The following BACH1 variants were observed in gnomAD, a reference collection of about 807,000 sequenced individuals.
The protein encoded by BACH1 is transcription regulator protein BACH1.
In BACH1, 35 loss-of-function variants were observed where a neutral mutation model predicts 52.9. The ratio of observed to expected loss-of-function variants is 0.66; its 90% confidence interval spans 0.51 to 0.88. BACH1 has a LOEUF of 0.88. Among genes scored for constraint, BACH1 ranks in the 40% least tolerant of loss-of-function variants. BACH1 has a pLI of 0.00. For synonymous variants in BACH1, 321 were observed against 319.6 expected, an observed-to-expected ratio of 1.00 and a Z score of -0.05; for missense variants, 808 against 872.6, an observed-to-expected ratio of 0.93 and a Z score of 0.93.
intron 4 of BACH1, among the ~76,000 whole-genome samples, chr21:29,331,473 T>G (rs914549528): frequency 6.6e-6 from 1 of 152,248 alleles, no homozygotes. Context: ...CCTTTAGAAC[T>G]ACTCTATTTC....
chr21:29,321,626 C>A, intron 2 of BACH1, 112 bp downstream of exon 2: 1 of 903,054 alleles, frequency 1.1e-6, no homozygotes, highest in Non-Finnish European at 1.6e-6. Context: ...TGGAGCATTT[C>A]CCAGGTTCTG....
intron 2 of BACH1, among the ~76,000 whole-genome samples, chr21:29,323,434 G>A (rs950260191): frequency 1.3e-5 from 2 of 152,196 alleles, no homozygotes; most frequent in African/African-American, 4.8e-5. Flanking sequence ...AGAGTCCAAA[G>A]GCCAAAGAAC....
At chr21:29,320,438 G>T (rs936398569) in intron 1 of BACH1, among the ~76,000 whole-genome samples, 15 of 152,180 alleles carry the variant, frequency 9.9e-5, no homozygotes, top group African/African-American at 3.4e-4. Flanking sequence ...GCAGTAGTGT[G>T]TATGTGATCA....
rs1003462584 is a variant in BACH1, at chr21:29,342,324, ATTAT to A, written c.1777-72_1777-69del. 2.1e-6 allele frequency: 3 copies of A among 1,399,352 alleles called. No individual in the cohort carries two copies. The Admixed American group carries it at 6.3e-5, about 29-fold the overall frequency. 86.7% of individuals were successfully genotyped at this position (1,399,352 alleles called of 1,614,324 possible). A position where few individuals can be genotyped will look rare whatever the true frequency, so the allele number is the denominator to read the frequency against. On this transcript the variant is annotated intron_variant, in intron 4 of 4. Transcript: ENST00000286800. The stretch of plus-strand genomic sequence containing the variant: ...CTTACTTGATGAGAAGCCCCTGTAT[ATTAT>A]TTGATCGCCTTGGAAATGTTGATTG...
intron 2 of BACH1, among the ~76,000 whole-genome samples, chr21:29,324,266 C>G (rs1487505052): frequency 6.6e-6 from 1 of 150,754 alleles, no homozygotes; most frequent in African/African-American, 2.4e-5. Context: ...ACTGAACTTG[C>G]CAACACAAAG....
rs1354463883 is a variant in BACH1 at position 29,299,492 on chromosome 21, C to T, written c.-61+539C>T. ...GTTTGTGGCTGGGGAGAGAAGGCCA[C>T]CGTGCTGAGCTGGATTTAGCGAAGA... is the stretch of plus-strand genomic sequence containing the variant. On this transcript the variant is annotated intron_variant, in intron 1 of 4. Transcript: ENST00000286800. The T allele has an allele frequency of 3.3e-5, 5 of 152,400 alleles. No individual in the cohort carries two copies. In the East Asian group the frequency reaches 5.8e-4, roughly 18 times the overall value. 9.4% of individuals were successfully genotyped at this position (152,400 alleles called of 1,614,324 possible).
intron 2 of BACH1, chr21:29,352,441 T>C (rs1017780388): frequency 6.6e-6 from 1 of 152,222 alleles, no homozygotes; most frequent in African/African-American, 2.4e-5. Flanking sequence ...AGAATTTCCT[T>C]ATATGTATGT....
chr21:29,340,394 C>T (rs1399082969), intron 4 of BACH1, among the ~76,000 whole-genome samples: 1 of 152,076 alleles, frequency 6.6e-6, no homozygotes, highest in Non-Finnish European at 1.5e-5. Context: ...AGAAGCAAGC[C>T]ATCTTGTATA....
chr21:29,320,256 C>T (rs2088833094), intron 1 of BACH1, among the ~76,000 whole-genome samples: 1 of 152,166 alleles, frequency 6.6e-6, no homozygotes, highest in Admixed American at 6.5e-5. Flanking sequence ...CCAATAAGCT[C>T]CTCACAGTAT....
Position 29,329,698 on chromosome 21 carries a change from G to A in BACH1, c.1776+5G>A, listed in dbSNP as rs768139980. ...GAATCAGAAATTGAGAAGCTGGTAA[G>A]TGTAAAAGTTTCTTGTTACTATTTA... is the stretch of plus-strand genomic sequence containing the variant. On this transcript the variant is annotated splice_donor_5th_base_variant and intron_variant, in intron 4 of 4. Coordinates refer to ENST00000286800, the MANE Select transcript of BACH1 (RefSeq NM_001186.4). 6.7e-7 allele frequency: 1 copy of A among 1,501,200 alleles called. No individual in the cohort carries two copies. The highest frequency in any genetic ancestry group is 1.3e-5 in the South Asian group (1 of 74,108). 93.0% of individuals were successfully genotyped at this position (1,501,200 alleles called of 1,614,324 possible). A position where few individuals can be genotyped will look rare whatever the true frequency, so the allele number is the denominator to read the frequency against.
chr21:29,358,368 C>A (rs548228881), intron 2 of BACH1, among the ~76,000 whole-genome samples: 23 of 152,306 alleles, frequency 1.5e-4, no homozygotes, highest in African/African-American at 4.6e-4. Context: ...ACTCAATAAC[C>A]AGGAACTCAG....
At chr21:29,337,947 A>T (rs924750402) in intron 4 of BACH1, among the ~76,000 whole-genome samples, 1 of 152,074 alleles carries the variant, frequency 6.6e-6, no homozygotes. Flanking sequence ...AAACAAAAAC[A>T]AAAACAAAAA....
intron 2 of BACH1, among the ~76,000 whole-genome samples, chr21:29,325,782 T>A (rs2088903324): frequency 6.6e-6 from 1 of 152,180 alleles, no homozygotes; most frequent in African/African-American, 2.4e-5. Context: ...ATTGTGGTAA[T>A]GTCTTACATC....
rs888365516 is a variant in BACH1 at position 29,344,574 on chromosome 21, A to G, written c.*1741A>G. On this transcript the variant is annotated 3_prime_UTR_variant, in exon 5 of 5. Transcript: ENST00000286800. The stretch of plus-strand genomic sequence containing the variant: ...TTATTTTCTAGTAGCTTTTATAAGT[A>G]CACTCAAGAATTTGTCAGGGAGAAT... 2 of 152,504 alleles carry G rather than the reference A, an allele frequency of 1.3e-5. No homozygotes were observed. The highest frequency in any genetic ancestry group is 4.8e-5 in the African/African-American group (2 of 41,444). The allele number at this position is 152,504 out of a possible 1,614,324, so 9.4% of individuals were successfully genotyped here. A position where few individuals can be genotyped will look rare whatever the true frequency, so the allele number is the denominator to read the frequency against.
intron 1 of BACH1, among the ~76,000 whole-genome samples, chr21:29,319,898 T>C (rs565074018): frequency 6.6e-6 from 1 of 152,130 alleles, no homozygotes; most frequent in African/African-American, 2.4e-5. Flanking sequence ...TTCCCTGTTA[T>C]TCTTAACACT....
chr21:29,343,114 T>A lies in BACH1; in HGVS notation c.*281T>A. ...TAATAACTCTAGTAATAACTCTTCCTGCTATTCAGAATAAGTAGGAGAATG... is the reference window on the plus strand; with the variant it reads ...TAATAACTCTAGTAATAACTCTTCCAGCTATTCAGAATAAGTAGGAGAATG... On this transcript the variant is annotated 3_prime_UTR_variant, in exon 5 of 5. Transcript: ENST00000286800. The A allele has an allele frequency of 4.3e-6, 1 of 234,862 alleles. No individual in the cohort carries two copies. The highest frequency in any genetic ancestry group is 1.0e-4 in the South Asian group (1 of 9,822). The allele number at this position is 234,862 out of a possible 1,614,324, so 14.5% of individuals were successfully genotyped here. A position where few individuals can be genotyped will look rare whatever the true frequency, so the allele number is the denominator to read the frequency against.
At chr21:29,303,535 C>T (rs2088624967) in intron 1 of BACH1, among the ~76,000 whole-genome samples, 1 of 152,212 alleles carries the variant, frequency 6.6e-6, no homozygotes, top group African/African-American at 2.4e-5. Context: ...TAAGTGTGCA[C>T]TGAGTTGAAA....
At chr21:29,332,410 ATCCAAAATCTGAATGG>A (rs1286916569) in intron 4 of BACH1, among the ~76,000 whole-genome samples, 3 of 152,218 alleles carry the variant, frequency 2.0e-5, no homozygotes, top group African/African-American at 7.2e-5. Flanking sequence ...TTTTTATGAA[ATCCAAAATCTGAATGG>A]TCAGTATCCT....
intron 4 of BACH1, among the ~76,000 whole-genome samples, chr21:29,337,918 A>C (rs1172143614): frequency 6.6e-6 from 1 of 152,104 alleles, no homozygotes; most frequent in Non-Finnish European, 1.5e-5. Context: ...TACAAGAGCG[A>C]AACTCCGTCT....
Sources: allele counts gnomAD v4.1 joint callset (sites outside exome capture counted in the v4.1 genomes callset), GRCh38; gene constraint gnomAD v4.1.1; transcripts MANE v1.5; gene names NCBI Gene and HGNC (gene_info 2026-07-23, HGNC 2026-07-21).